Variants in PXN observed in about 807,000 individuals in gnomAD.
The protein encoded by PXN is testicular tissue protein Li 134.
A neutral mutation model predicts 103.6 loss-of-function variants in PXN; 61 were observed. That is an observed-to-expected ratio of 0.59 (90% CI 0.48 to 0.73). PXN has a LOEUF of 0.73. Ranked by LOEUF, PXN falls within the 30% of genes least tolerant of loss-of-function variation. The pLI is 0.00. For missense variants in PXN, 1,274 were observed against 1,460.3 expected (o/e 0.87, Z 2.08); for synonymous variants, 562 against 607.8 (o/e 0.92, Z 1.11).
Position 120,212,563 on chromosome 12 carries a change from G to A in PXN, c.2997C>T (p.Phe999=), listed in dbSNP as rs1434119752. The A allele has an allele frequency of 1.1e-5, 17 of 1,613,030 alleles. No homozygotes were observed. The highest frequency in any genetic ancestry group is 1.4e-5 in the Non-Finnish European group (17 of 1,179,414). The change falls in exon 15 of 15, where the codon TTC becomes TTT. Residue 999 remains phenylalanine, a synonymous_variant. Transcript: ENST00000637617. The surrounding 1 kb of genome is among the most constrained non-coding windows in gnomAD (Gnocchi z 7.2). Reference sequence around the variant, plus strand: ...CGTGCTCGAAGAAGCTGCCGTTCACGAATGGCGTGAAGCATTCCTGCCAGG... The same window carrying A: ...CGTGCTCGAAGAAGCTGCCGTTCACAAATGGCGTGAAGCATTCCTGCCAGG... The part of the protein sequence containing the change: ...CFVCRECFTP[F]VNGSFFEHDG...
chr12:120,217,993 G>GT lies in PXN; in HGVS notation c.1717-878dup, dbSNP rs1364853790. ...TATACTTGTTGGTAGTGTTTTGGGG[G>GT]TTTTTGGTTGTTTCGTTTTGTTTTC... On this transcript the variant is annotated intron_variant, in intron 7 of 14. Transcript: ENST00000637617. The surrounding 1 kb of genome is among the most constrained non-coding windows in gnomAD (Gnocchi z 4.1). 1.3e-5 allele frequency among the ~76,000 whole-genome samples: 2 copies of GT among 148,956 alleles called. No individual in the cohort carries two copies. Among genetic ancestry groups the GT allele is most frequent in the Non-Finnish European group, 3.0e-5 (2 of 67,402 alleles).
In PXN at chr12:120,215,122, T is replaced by C. The variant is rs201427575; in HGVS notation, c.2555A>G (p.Lys852Arg). ...TVAKGVCGACKKPIAGQVVTA... is the reference protein window; with the variant it reads ...TVAKGVCGACRKPIAGQVVTA... Reference sequence around the variant, plus strand: ...CATCACCTGCCCGGCGATGGGCTTCTTGCAGGCCCCGCAGACTCCTTTGGC... The same window carrying C: ...CATCACCTGCCCGGCGATGGGCTTCCTGCAGGCCCCGCAGACTCCTTTGGC... The change falls in exon 11 of 15, where the codon AAG becomes AGG. Residue 852 changes from lysine (K) to arginine (R), a missense_variant. Lys to Arg is a conservative substitution (Grantham distance 26, BLOSUM62 2). This residue lies in a region of PXN where 1,178 missense variants were observed against 1,309.0 expected (regional missense o/e 0.90). Transcript: ENST00000637617. This position sits in a 1 kb window ranked among gnomAD's most constrained non-coding sequence, Gnocchi z 4.9. The C allele has an allele frequency of 6.4e-5, 101 of 1,576,252 alleles. No individual in the cohort carries two copies. The African/African-American group carries it at 1.3e-3, about 21-fold the overall frequency.
rs1271554599 is a variant in PXN, at chr12:120,212,566, T to C, written c.2994A>G (p.Pro998=). Reference sequence around the variant, plus strand: ...GCTCGAAGAAGCTGCCGTTCACGAATGGCGTGAAGCATTCCTGCCAGGCGG... The same window carrying C: ...GCTCGAAGAAGCTGCCGTTCACGAACGGCGTGAAGCATTCCTGCCAGGCGG... The part of the protein sequence containing the change: ...ECFVCRECFT[P]FVNGSFFEHD... Residue 998 remains proline, a synonymous_variant, in exon 15 of 15, where the codon CCA becomes CCG. Coordinates refer to ENST00000637617, the MANE Select transcript of PXN (RefSeq NM_001385981.1). The surrounding 1 kb of genome is among the most constrained non-coding windows in gnomAD (Gnocchi z 7.2). 1 of 1,612,616 alleles carries C rather than the reference T, an allele frequency of 6.2e-7. No homozygotes were observed. The highest frequency in any genetic ancestry group is 8.5e-7 in the Non-Finnish European group (1 of 1,179,188).
rs869044889 is a variant in PXN at position 120,246,854 on chromosome 12, TA to T, written c.13+18762del. On this transcript the variant is annotated intron_variant, in intron 1 of 14. Transcript: ENST00000637617. Reference sequence around the variant, plus strand: ...TGGGCAATAGAGTGAGAATCTGTCTTAAAAAAAAAAAAAAAAAGAAAAATGT... The same window carrying T: ...TGGGCAATAGAGTGAGAATCTGTCTTAAAAAAAAAAAAAAAAGAAAAATGT... 8.4e-3 allele frequency among the ~76,000 whole-genome samples: 1,079 copies of T among 128,568 alleles called. 7 individuals are homozygous for T. Among genetic ancestry groups the T allele is most frequent in the African/African-American group, 0.019 (661 of 34,696 alleles). 84.3% of individuals were successfully genotyped at this position (128,568 alleles called of 152,430 possible).
At chr12:120,247,157 G>A (rs1023484341) in intron 1 of PXN, among the ~76,000 whole-genome samples, 24 of 152,116 alleles carry the variant, frequency 1.6e-4, no homozygotes, top group African/African-American at 5.3e-4. Flanking sequence ...AAATCTAAAA[G>A]GTTTATATAC....
chr12:120,259,229 T>C (rs551095092), intron 1 of PXN, among the ~76,000 whole-genome samples: 1 of 151,836 alleles, frequency 6.6e-6, no homozygotes, highest in African/African-American at 2.4e-5. Context: ...CCACCTCTAC[T>C]AAAAATACAA....
intron 1 of PXN, among the ~76,000 whole-genome samples, chr12:120,248,536 ACAC>A (rs1177971751): frequency 2.1e-5 from 3 of 143,594 alleles, no homozygotes; most frequent in Middle Eastern, 3.4e-3. Flanking sequence ...ACACACACAC[ACAC>A]ACCAGACTGT....
At chr12:120,251,842 T>C (rs1247503352) in intron 1 of PXN, among the ~76,000 whole-genome samples, 3 of 151,684 alleles carry the variant, frequency 2.0e-5, no homozygotes, top group Non-Finnish European at 2.9e-5. Context: ...AACAAACAAA[T>C]AAATGCCAAG....
Position 120,216,485 on chromosome 12 carries a change from C to T in PXN, c.2089G>A (p.Ala697Thr), listed in dbSNP as rs568113966. 1.6e-5 allele frequency: 22 copies of T among 1,385,000 alleles called. No homozygotes were observed. Among genetic ancestry groups the T allele is most frequent in the East Asian group, 5.9e-5 (2 of 33,628 alleles). The allele number at this position is 1,385,000 out of a possible 1,614,324, so 85.8% of individuals were successfully genotyped here. The change falls in exon 9 of 15, where the codon GCG becomes ACG. Residue 697 changes from alanine (A) to threonine (T), a missense_variant. By Grantham distance (58) the Ala-to-Thr change is moderately conservative. Coordinates refer to ENST00000637617, the MANE Select transcript of PXN (RefSeq NM_001385981.1). The surrounding 1 kb of genome is among the most constrained non-coding windows in gnomAD (Gnocchi z 5.1). ...GGCAGGGGAGAAGAGCTGCTGGCCG[C>T]GGCGTCTGTGCGATGCTGGAGCAAA... ...VPLLQHRTDA[A>T]ASSSSPLPSL...
chr12:120,221,102 G>A lies in PXN; in HGVS notation c.831+521C>T, dbSNP rs150084455. On this transcript the variant is annotated intron_variant, in intron 6 of 14. Transcript: ENST00000637617. The surrounding 1 kb of genome is among the most constrained non-coding windows in gnomAD (Gnocchi z 6.6). Reference sequence around the variant, plus strand: ...TGGGAACTCAGAGGCCCTGGAGGGCGAGAGGGAAGGATGGGAGAAGAGTAG... The same window carrying A: ...TGGGAACTCAGAGGCCCTGGAGGGCAAGAGGGAAGGATGGGAGAAGAGTAG... Among the ~76,000 whole-genome samples, 10 of 152,274 alleles carry A rather than the reference G, an allele frequency of 6.6e-5. No homozygotes were observed. Among genetic ancestry groups the A allele is most frequent in the Middle Eastern group, 3.4e-3 (1 of 294 alleles).
intron 1 of PXN, among the ~76,000 whole-genome samples, chr12:120,258,755 T>C (rs368476289): frequency 4.6e-5 from 7 of 152,084 alleles, no homozygotes; most frequent in Non-Finnish European, 7.4e-5. Context: ...CTTTTTTTCA[T>C]TATATCATTT....
chr12:120,214,184 G>A lies in PXN; in HGVS notation c.2782C>T (p.Pro928Ser). ...VVTALDRTWHPEHFFCAQCGA... is the reference protein window; with the variant it reads ...VVTALDRTWHSEHFFCAQCGA... ...CACTGTGCACAGAAGAAGTGTTCAGGGTGCCACGTCCGGTCAAGGGCTGTC... is the reference window on the plus strand; with the variant it reads ...CACTGTGCACAGAAGAAGTGTTCAGAGTGCCACGTCCGGTCAAGGGCTGTC... Residue 928 changes from proline to serine, a missense_variant, in exon 13 of 15, where the codon CCT becomes TCT. By Grantham distance (74) the Pro-to-Ser change is moderately conservative (BLOSUM62 -1). Coordinates refer to ENST00000637617, the MANE Select transcript of PXN (RefSeq NM_001385981.1). This position sits in a 1 kb window ranked among gnomAD's most constrained non-coding sequence, Gnocchi z 5.0. 3 of 1,552,130 alleles carry A rather than the reference G, an allele frequency of 1.9e-6. No individual in the cohort carries two copies. The highest frequency in any genetic ancestry group is 2.4e-5 in the East Asian group (1 of 40,944).
At chr12:120,235,782 G>C (rs1204966748) in intron 1 of PXN, among the ~76,000 whole-genome samples, 1 of 152,158 alleles carries the variant, frequency 6.6e-6, no homozygotes, top group Non-Finnish European at 1.5e-5. Context: ...CCATGTTCTG[G>C]TCTAACTTGT....
chr12:120,235,512 A>T (rs961664027), intron 1 of PXN, among the ~76,000 whole-genome samples: 1 of 151,996 alleles, frequency 6.6e-6, no homozygotes, highest in East Asian at 1.9e-4. Flanking sequence ...CCACAAGGAG[A>T]GGAATGATCG....
At chr12:120,263,752 C>A (rs997081104) in intron 1 of PXN, among the ~76,000 whole-genome samples, 8 of 152,188 alleles carry the variant, frequency 5.3e-5, no homozygotes, top group African/African-American at 1.9e-4. Context: ...TCCCCTCTCC[C>A]GTATACAGTA....
chr12:120,214,762 TCA>T lies in PXN; in HGVS notation c.2748+61_2748+62del. ...GCCTCCCACGGCACCCCCTGCATCC[TCA>T]GAGGGCTGCGGTGAAGCTGGAATGA... On this transcript the variant is annotated intron_variant, in intron 12 of 14. Coordinates refer to ENST00000637617, the MANE Select transcript of PXN (RefSeq NM_001385981.1). This position sits in a 1 kb window ranked among gnomAD's most constrained non-coding sequence, Gnocchi z 5.0. 6.3e-7 allele frequency: 1 copy of T among 1,592,928 alleles called. No homozygotes were observed. Among genetic ancestry groups the T allele is most frequent in the Admixed American group, 1.7e-5 (1 of 59,604 alleles).
intron 1 of PXN, among the ~76,000 whole-genome samples, chr12:120,239,129 G>C (rs918042247): frequency 1.6e-4 from 25 of 152,308 alleles, no homozygotes; most frequent in African/African-American, 6.0e-4. Flanking sequence ...CCTTCCTGGT[G>C]CCACTGGTTT....
chr12:120,224,337 G>C lies in PXN; in HGVS notation c.54C>G (p.Ile18Met). ...CCGACAAGAACACAGGCCGTTTGGAGATGTGGGAGGTGGTAGACTCCAAGT... is the reference window on the plus strand; with the variant it reads ...CCGACAAGAACACAGGCCGTTTGGACATGTGGGAGGTGGTAGACTCCAAGT... ...LADLESTTSH[I>M]SKRPVFLSEE... Residue 18 changes from isoleucine to methionine, a missense_variant, in exon 2 of 15, where the codon ATC becomes ATG. Around this residue, in one of 2 missense-constraint regions of PXN, gnomAD observed 1,178 missense variants for 1,309.0 expected, o/e 0.90. Transcript: ENST00000637617. This position sits in a 1 kb window ranked among gnomAD's most constrained non-coding sequence, Gnocchi z 5.0. The C allele has an allele frequency of 6.2e-7, 1 of 1,614,022 alleles. No homozygotes were observed. The highest frequency in any genetic ancestry group is 1.1e-5 in the South Asian group (1 of 91,090).
rs1436000008 is a variant in PXN at position 120,265,596 on chromosome 12, C to A, written c.13+21G>T. The stretch of plus-strand genomic sequence containing the variant: ...CTGCGCGCCTCTCGCCTCCTCCTCC[C>A]TCGGCCTCCCGCTCACTCACCGAGG... On this transcript the variant is annotated intron_variant, in intron 1 of 14. Coordinates refer to ENST00000637617, the MANE Select transcript of PXN (RefSeq NM_001385981.1). The surrounding 1 kb of genome is among the most constrained non-coding windows in gnomAD (Gnocchi z 5.7). 1 of 1,485,814 alleles carries A rather than the reference C, an allele frequency of 6.7e-7. No individual in the cohort carries two copies. Among genetic ancestry groups the A allele is most frequent in the Non-Finnish European group, 8.9e-7 (1 of 1,123,604 alleles). The allele number at this position is 1,485,814 out of a possible 1,614,324, so 92.0% of individuals were successfully genotyped here.
Sources: gnomAD v4.1 joint callset for allele counts (sites outside exome capture counted in the v4.1 genomes callset) on GRCh38, gnomAD v4.1.1 for gene constraint, gnomAD v4.1.1 regional missense constraint, Gnocchi (gnomAD v3.1) non-coding constraint, MANE v1.5 for transcripts, NCBI Gene and HGNC (gene_info 2026-07-23, HGNC 2026-07-21) for gene names.